NEURL1: variants seen among roughly 807,000 people sequenced by gnomAD.
NEURL1 encodes neuralized E3 ubiquitin protein ligase 1.
A neutral mutation model predicts 41.2 loss-of-function variants in NEURL1; 26 were observed. That is an observed-to-expected ratio of 0.63 (90% CI 0.46 to 0.87). The LOEUF (loss-of-function observed/expected upper bound fraction) is 0.87, where lower values mean the gene tolerates loss of function less well. NEURL1 is among the 40% of genes least tolerant of loss of function. The probability of loss-of-function intolerance (pLI) is 0.00; values close to 1 mark genes in which losing one functional copy is unlikely to be tolerated. For missense variants in NEURL1, 761 were observed against 871.1 expected (o/e 0.87, Z 1.59); for synonymous variants, 400 against 402.3 (o/e 0.99, Z 0.07).
chr10:103,526,226 T>C (rs1046914658), intron 1 of NEURL1, among the ~76,000 whole-genome samples: 2 of 152,168 alleles, frequency 1.3e-5, no homozygotes, highest in African/African-American at 4.8e-5. Context: ...TGTTTGGTTT[T>C]GGTATAGGGT....
At chr10:103,526,774 T>C (rs1253690303) in intron 1 of NEURL1, among the ~76,000 whole-genome samples, 1 of 152,182 alleles carries the variant, frequency 6.6e-6, no homozygotes, top group Non-Finnish European at 1.5e-5. Flanking sequence ...CCTCCCAAGG[T>C]GCTGGGATTA....
intron 1 of NEURL1, among the ~76,000 whole-genome samples, chr10:103,564,637 A>G (rs886167654): frequency 2.0e-5 from 3 of 152,180 alleles, no homozygotes; most frequent in Non-Finnish European, 4.4e-5. Flanking sequence ...CTGCCACATA[A>G]CTGCTGTGTG....
chr10:103,537,136 A>G (rs1326793343), intron 1 of NEURL1, among the ~76,000 whole-genome samples: 1 of 152,170 alleles, frequency 6.6e-6, no homozygotes, highest in East Asian at 1.9e-4. Context: ...CATTGTATGT[A>G]TGTGCCACAT....
At chr10:103,517,759 G>T (rs182908048) in intron 1 of NEURL1, among the ~76,000 whole-genome samples, 1 of 152,310 alleles carries the variant, frequency 6.6e-6, no homozygotes, top group African/African-American at 2.4e-5. Context: ...CTTGCTCTAG[G>T]CCTGGCAAGT....
At position 103,560,415 on chromosome 10, in the gene NEURL1, T is replaced by C. The variant is rs181131672; in HGVS notation, c.86-10457T>C. ...TGAGGAATTGGGAGGCACAGCTGTA[T>C]AACCTCTGGCTGCTAGAAATGTCAG... On this transcript the variant is annotated intron_variant, in intron 1 of 5. Transcript: ENST00000369780. Among the ~76,000 whole-genome samples the C allele has an allele frequency of 6.8e-4, 103 of 152,330 alleles. 1 individual carries two copies. The highest frequency in any genetic ancestry group is 3.1e-3 in the Admixed American group (48 of 15,310).
intron 1 of NEURL1, among the ~76,000 whole-genome samples, chr10:103,527,617 A>C (rs926707795): frequency 1.3e-5 from 2 of 151,980 alleles, no homozygotes; most frequent in African/African-American, 4.8e-5. Flanking sequence ...TTTCATCAGC[A>C]GGGTCTTCGT....
chr10:103,585,123 C>G lies in NEURL1; in HGVS notation c.1237C>G (p.His413Asp), dbSNP rs1239979799. Reference protein sequence around the residue: ...VNADGELHLSHNGAAAGMQLC... With the variant: ...VNADGELHLSDNGAAAGMQLC... ...CGCCGACGGCGAGCTGCACCTCAGC[C>G]ACAATGGCGCGGCCGCCGGCATGCA... Residue 413 changes from histidine to aspartate, a missense_variant, in exon 4 of 6, where the codon CAC becomes GAC. His to Asp is a moderately conservative substitution (Grantham distance 81). Transcript: ENST00000369780. 2 of 1,590,700 alleles carry G rather than the reference C, an allele frequency of 1.3e-6. No homozygotes were observed.
chr10:103,520,657 A>G (rs2034327235), intron 1 of NEURL1, among the ~76,000 whole-genome samples: 2 of 152,130 alleles, frequency 1.3e-5, no homozygotes, highest in Non-Finnish European at 2.9e-5. Context: ...GTCTTCTTAT[A>G]TTAATAAGAA....
rs74154539 is a variant in NEURL1 at position 103,556,539 on chromosome 10, G to A, written c.86-14333G>A. ...CAGGAGCGCATGGGCAGCCGCAGCCGGAACTGGTGACCAGGTGGCTTCTCC... is the reference window on the plus strand; with the variant it reads ...CAGGAGCGCATGGGCAGCCGCAGCCAGAACTGGTGACCAGGTGGCTTCTCC... On this transcript the variant is annotated intron_variant, in intron 1 of 5. Coordinates refer to ENST00000369780, the MANE Select transcript of NEURL1 (RefSeq NM_004210.5). The surrounding 1 kb of genome is among the most constrained non-coding windows in gnomAD (Gnocchi z 4.4). Among the ~76,000 whole-genome samples, 32,995 of 152,000 alleles carry A rather than the reference G, an allele frequency of 0.22. 3,792 individuals are homozygous for A. The highest frequency in any genetic ancestry group is 0.32 in the South Asian group (1,537 of 4,814).
intron 1 of NEURL1, 112 bp downstream of exon 1, chr10:103,494,584 G>A: frequency 1.1e-6 from 1 of 945,192 alleles, no homozygotes; most frequent in Non-Finnish European, 1.5e-6. Flanking sequence ...CTGGAGGCCG[G>A]AGATGCACCT....
chr10:103,494,406 A>G lies in NEURL1; in HGVS notation c.19A>G (p.Ser7Gly). 2 of 1,596,510 alleles carry G rather than the reference A, an allele frequency of 1.3e-6. No individual in the cohort carries two copies. The highest frequency in any genetic ancestry group is 1.7e-6 in the Non-Finnish European group (2 of 1,172,158). Residue 7 changes from serine (S) to glycine (G), a missense_variant, in exon 1 of 6, where the codon AGT becomes GGT. By Grantham distance (56) the Ser-to-Gly change is moderately conservative. Coordinates refer to ENST00000369780, the MANE Select transcript of NEURL1 (RefSeq NM_004210.5). ...GGATGCCATGGGTAACAACTTCTCC[A>G]GTATCCCCTCGCTGCCCCGAGGAAA... MGNNFS[S>G]IPSLPRGNPS...
chr10:103,576,031 C>A (rs1295114109), intron 3 of NEURL1, among the ~76,000 whole-genome samples: 1 of 152,246 alleles, frequency 6.6e-6, no homozygotes, highest in Non-Finnish European at 1.5e-5. Context: ...CTACCACTGC[C>A]TAGGCACTAA....
intron 1 of NEURL1, among the ~76,000 whole-genome samples, chr10:103,503,797 T>TTC (rs1463794807): frequency 6.9e-6 from 1 of 145,082 alleles, no homozygotes; most frequent in African/African-American, 2.6e-5. Context: ...GCTTTTTTTT[T>TTC]TTTTTTTTTT....
chr10:103,567,349 T>C lies in NEURL1; in HGVS notation c.86-3523T>C, dbSNP rs139016550. 2.6e-5 allele frequency among the ~76,000 whole-genome samples: 4 copies of C among 152,208 alleles called. No homozygotes were observed. The East Asian group carries it at 7.7e-4, about 29-fold the overall frequency. ...ATTTTTTAATTTGCATTTTAAAAAT[T>C]TATCCAGCACACCAAATCCATGAAT... On this transcript the variant is annotated intron_variant, in intron 1 of 5. Coordinates refer to ENST00000369780, the MANE Select transcript of NEURL1 (RefSeq NM_004210.5).
intron 1 of NEURL1, among the ~76,000 whole-genome samples, chr10:103,551,860 C>T (rs2035038859): frequency 6.6e-6 from 1 of 152,198 alleles, no homozygotes; most frequent in South Asian, 2.1e-4. Context: ...ACTCGGGCCA[C>T]CTCCCAGTTC....
At chr10:103,515,309 A>G (rs936821045) in intron 1 of NEURL1, 3 of 151,486 alleles carry the variant, frequency 2.0e-5, no homozygotes, top group Non-Finnish European at 4.4e-5. Context: ...TCCCCACTTC[A>G]CATCCTTTAA....
chr10:103,566,995 T>G lies in NEURL1; in HGVS notation c.86-3877T>G, dbSNP rs1440281904. 6.6e-6 allele frequency among the ~76,000 whole-genome samples: 1 copy of G among 151,870 alleles called. No individual in the cohort carries two copies. The highest frequency in any genetic ancestry group is 2.4e-5 in the African/African-American group (1 of 41,366). On this transcript the variant is annotated intron_variant, in intron 1 of 5. Transcript: ENST00000369780. This position sits in a 1 kb window ranked among gnomAD's most constrained non-coding sequence, Gnocchi z 4.2. ...TTTTCTTTCTTTCTTTTTTTTTTTT[T>G]TGTTTGAGACAGAGTCTTGCTCTGT...
intron 1 of NEURL1, among the ~76,000 whole-genome samples, chr10:103,537,372 T>A (rs926931058): frequency 6.6e-6 from 1 of 152,176 alleles, no homozygotes; most frequent in African/African-American, 2.4e-5. Flanking sequence ...GAAGTAACAC[T>A]TTTTTCCCCC....
chr10:103,499,141 G>A (rs372944971), intron 1 of NEURL1, among the ~76,000 whole-genome samples: 24 of 152,306 alleles, frequency 1.6e-4, no homozygotes, highest in Non-Finnish European at 2.4e-4. Context: ...TAGGAAGGCC[G>A]TCCCCCTCCA....
Sources: gnomAD v4.1 joint callset for allele counts (sites outside exome capture counted in the v4.1 genomes callset) on GRCh38, gnomAD v4.1.1 for gene constraint, Gnocchi (gnomAD v3.1) non-coding constraint, MANE v1.5 for transcripts, NCBI Gene and HGNC (gene_info 2026-07-23, HGNC 2026-07-21) for gene names.